Variants in ATG5 observed in about 807,000 individuals in gnomAD.
ATG5 encodes the protein autophagy related 5.
Under a neutral mutation model 36.5 loss-of-function variants are expected in ATG5, and 14 were observed. That is an observed-to-expected ratio of 0.38 (90% CI 0.25 to 0.60). The LOEUF (loss-of-function observed/expected upper bound fraction) is 0.60, where lower values mean the gene tolerates loss of function less well. ATG5 is among the 20% of genes least tolerant of loss of function. The pLI is 0.60. For synonymous variants in ATG5, 95 were observed against 101.5 expected (o/e 0.94, Z 0.38); for missense variants, 195 against 326.7 (o/e 0.60, Z 3.11).
intron 3 of ATG5, among the ~76,000 whole-genome samples, chr6:106,305,397 G>A (rs1178146145): frequency 1.3e-5 from 2 of 152,134 alleles, no homozygotes; most frequent in South Asian, 2.1e-4. Flanking sequence ...TTTCCCAACT[G>A]AGTATGATGA....
At chr6:106,279,557 TA>T in intron 5 of ATG5, 103 bp downstream of exon 5, 1 of 1,070,228 alleles carries the variant, frequency 9.3e-7, no homozygotes, top group Non-Finnish European at 1.3e-6. Flanking sequence ...GGCTACAATT[TA>T]AACTTGTACC....
chr6:106,303,937 C>A (rs1218650498), intron 3 of ATG5, among the ~76,000 whole-genome samples: 1 of 150,694 alleles, frequency 6.6e-6, no homozygotes, highest in Non-Finnish European at 1.5e-5. Context: ...CCACTCTTAT[C>A]CAACACAGTA....
At chr6:106,297,965 AT>A (rs34194209) in intron 3 of ATG5, among the ~76,000 whole-genome samples, 7,486 of 134,514 alleles carry the variant, frequency 0.056, 357 homozygotes, top group African/African-American at 0.15. Flanking sequence ...GTCAAAATCT[AT>A]TTTTTTTTTT....
At chr6:106,242,339 T>C (rs76239249) in intron 6 of ATG5, among the ~76,000 whole-genome samples, 1,530 of 152,270 alleles carry the variant, frequency 0.01, 31 homozygotes, top group African/African-American at 0.035. Flanking sequence ...CATCATGATA[T>C]GCGAAATAAG....
rs1403793314 is a variant in ATG5, at chr6:106,185,411, A to C, written c.*1129T>G. 1 of 152,736 alleles carries C rather than the reference A, an allele frequency of 6.5e-6. No homozygotes were observed. The highest frequency in any genetic ancestry group is 1.5e-5 in the Non-Finnish European group (1 of 68,030). The allele number at this position is 152,736 out of a possible 1,614,324, so 9.5% of individuals were successfully genotyped here. On this transcript the variant is annotated 3_prime_UTR_variant, in exon 8 of 8. Transcript: ENST00000369076. ...ATGCACAAATATGTTTGACTGGTAA[A>C]ATCCCAGAGGCTTGGTAATAAAGTG...
intron 4 of ATG5, among the ~76,000 whole-genome samples, chr6:106,290,519 G>A (rs1402502147): frequency 7.3e-5 from 11 of 151,438 alleles, no homozygotes; most frequent in African/African-American, 1.9e-4. Context: ...TGGGGTCTAC[G>A]TTGCCCAGGC....
chr6:106,307,630 AG>A (rs1770498928), intron 3 of ATG5, among the ~76,000 whole-genome samples: 1 of 141,830 alleles, frequency 7.1e-6, no homozygotes, highest in Non-Finnish European at 1.5e-5. Context: ...TCCACCTCCC[AG>A]GTTCAAGCAT....
intron 7 of ATG5, among the ~76,000 whole-genome samples, chr6:106,195,431 C>T (rs528991665): frequency 6.6e-6 from 1 of 152,086 alleles, no homozygotes; most frequent in Non-Finnish European, 1.5e-5. Flanking sequence ...CTGAACCAGG[C>T]AGTAAACAGT....
chr6:106,202,016 C>T lies in ATG5; in HGVS notation c.647G>A (p.Gly216Glu). ...VAADGQLHTL[G>E]DLLKEVCPSA... ...AGGACAAACTTCTTTGAGGAGATCT[C>T]CTAGTGTGTGCAACTGTCCATCTGC... The change falls in exon 7 of 8, where the codon GGA becomes GAA. Residue 216 changes from glycine to glutamate, a missense_variant. By Grantham distance (98) the Gly-to-Glu change is moderately conservative. Coordinates refer to ENST00000369076, the MANE Select transcript of ATG5 (RefSeq NM_004849.4). 1 of 1,613,860 alleles carries T rather than the reference C, an allele frequency of 6.2e-7. No homozygotes were observed. Among genetic ancestry groups the T allele is most frequent in the South Asian group, 1.1e-5 (1 of 91,056 alleles).
intron 3 of ATG5, among the ~76,000 whole-genome samples, chr6:106,300,905 A>T (rs1476265399): frequency 6.6e-6 from 1 of 152,022 alleles, no homozygotes; most frequent in African/African-American, 2.4e-5. Flanking sequence ...GCAGAGAAAA[A>T]TTTCCCATTA....
intron 6 of ATG5, among the ~76,000 whole-genome samples, chr6:106,245,368 T>G (rs192867805): frequency 1.4e-4 from 21 of 152,360 alleles, no homozygotes; most frequent in African/African-American, 4.3e-4. Context: ...AGGGCAGACT[T>G]CACTTTTCAT....
At chr6:106,215,755 G>C (rs1777012373) in intron 6 of ATG5, among the ~76,000 whole-genome samples, 1 of 152,010 alleles carries the variant, frequency 6.6e-6, no homozygotes, top group African/African-American at 2.4e-5. Flanking sequence ...GAAAAAAACA[G>C]ACAAACTGGA....
intron 6 of ATG5, among the ~76,000 whole-genome samples, chr6:106,210,081 C>T (rs776853560): frequency 6.6e-6 from 1 of 152,154 alleles, no homozygotes; most frequent in Non-Finnish European, 1.5e-5. Flanking sequence ...TTTCAACCTA[C>T]TCTAACACAC....
intron 5 of ATG5, among the ~76,000 whole-genome samples, chr6:106,257,562 T>C (rs1332176194): frequency 1.3e-5 from 2 of 152,220 alleles, no homozygotes; most frequent in African/African-American, 4.8e-5. Flanking sequence ...AGCATGATTG[T>C]ACATTCACTT....
chr6:106,222,924 T>C (rs1444544367), intron 6 of ATG5, among the ~76,000 whole-genome samples: 1 of 152,246 alleles, frequency 6.6e-6, no homozygotes, highest in Non-Finnish European at 1.5e-5. Context: ...TTAGCTGCTA[T>C]TATTATTCAT....
intron 5 of ATG5, among the ~76,000 whole-genome samples, chr6:106,261,974 GT>G (rs1370420951): frequency 1.3e-5 from 2 of 152,196 alleles, no homozygotes; most frequent in Non-Finnish European, 2.9e-5. Flanking sequence ...CAGTGCAGAG[GT>G]TGGGAAACCC....
intron 6 of ATG5, among the ~76,000 whole-genome samples, chr6:106,211,973 G>C (rs1248167741): frequency 6.6e-6 from 1 of 152,180 alleles, no homozygotes; most frequent in Non-Finnish European, 1.5e-5. Context: ...TACAAGGGTT[G>C]CTTAAGTGTA....
chr6:106,240,473 T>C (rs996480331), intron 6 of ATG5, among the ~76,000 whole-genome samples: 2 of 151,368 alleles, frequency 1.3e-5, no homozygotes, highest in Non-Finnish European at 2.9e-5. Context: ...TCAACAAAGA[T>C]AAAACAGATT....
At chr6:106,287,615 C>A (rs1278642753) in intron 4 of ATG5, among the ~76,000 whole-genome samples, 1 of 152,100 alleles carries the variant, frequency 6.6e-6, no homozygotes, top group African/African-American at 2.4e-5. Context: ...AAGAAAAACA[C>A]CAAGGTTTTA....
Sources: gnomAD v4.1 joint callset for allele counts (sites outside exome capture counted in the v4.1 genomes callset) on GRCh38, gnomAD v4.1.1 for gene constraint, MANE v1.5 for transcripts, NCBI Gene and HGNC (gene_info 2026-07-23, HGNC 2026-07-21) for gene names.